Variants in BICD1 observed in about 807,000 individuals in gnomAD.
BICD1 encodes the protein BICD cargo adaptor 1.
BICD1 carries 35 observed loss-of-function variants against 92.5 expected under a neutral mutation model. That is an observed-to-expected ratio of 0.38 (90% CI 0.29 to 0.50). The LOEUF (loss-of-function observed/expected upper bound fraction) is 0.50. Ranked by LOEUF, BICD1 falls within the 20% of genes least tolerant of loss-of-function variation. The pLI, the probability that BICD1 is intolerant of heterozygous loss-of-function variation, is 0.93. For missense variants in BICD1, 950 were observed against 1,189.8 expected, an observed-to-expected ratio of 0.80 and a Z score of 2.97; for synonymous variants, 429 against 465.1, an observed-to-expected ratio of 0.92 and a Z score of 1.00.
intron 1 of BICD1, among the ~76,000 whole-genome samples, chr12:32,124,086 C>G (rs1942247578): frequency 6.6e-6 from 1 of 152,166 alleles, no homozygotes. Flanking sequence ...CCAGTAGACC[C>G]TAGCCAAAGG....
At position 32,120,612 on chromosome 12, in the gene BICD1, A is replaced by G. The variant is rs191028218; in HGVS notation, c.213+13068A>G. 1.8e-4 allele frequency among the ~76,000 whole-genome samples: 28 copies of G among 152,294 alleles called. No homozygotes were observed. In the East Asian group the frequency reaches 5.2e-3, roughly 28 times the overall value. ...TAAGCCTCACTGATTGCTACTTGCT[A>G]GATGGTTTTAGGAGATATCTTGAAG... On this transcript the variant is annotated intron_variant, in intron 1 of 9. Coordinates refer to ENST00000652176, the MANE Select transcript of BICD1 (RefSeq NM_001714.4).
chr12:32,315,130 A>G (rs1319534701), intron 4 of BICD1, among the ~76,000 whole-genome samples: 1 of 152,168 alleles, frequency 6.6e-6, no homozygotes, highest in Non-Finnish European at 1.5e-5. Context: ...TAATTTTTGA[A>G]TATGATATGA....
intron 2 of BICD1, among the ~76,000 whole-genome samples, chr12:32,239,576 G>A (rs927178251): frequency 6.6e-6 from 1 of 150,642 alleles, no homozygotes; most frequent in East Asian, 2.0e-4. Context: ...GCTCACGATC[G>A]TTAGCGTTTT....
At chr12:32,110,106 T>C (rs1941630559) in intron 1 of BICD1, among the ~76,000 whole-genome samples, 1 of 152,336 alleles carries the variant, frequency 6.6e-6, no homozygotes, top group South Asian at 2.1e-4. Context: ...AATTGGACAT[T>C]AGTAATTTGC....
In BICD1 at chr12:32,342,216, A is replaced by G. The variant is rs1208083700; in HGVS notation, c.2764+3237A>G. On this transcript the variant is annotated intron_variant, in intron 8 of 9. Transcript: ENST00000652176. ...TATGTGTGTGTGTGTATATATATAT[A>G]TATATATATATATATATGTATAGTT... Among the ~76,000 whole-genome samples the G allele has an allele frequency of 1.7e-3, 231 of 137,510 alleles. 2 individuals carry two copies. The East Asian group carries it at 0.022, about 13-fold the overall frequency. The allele number at this position is 137,510 out of a possible 152,430, so 90.2% of individuals were successfully genotyped here.
chr12:32,118,035 C>T (rs1398308303), intron 1 of BICD1, among the ~76,000 whole-genome samples: 1 of 124,948 alleles, frequency 8.0e-6, no homozygotes, highest in Admixed American at 9.2e-5. Flanking sequence ...CAGGCGTGAG[C>T]CATCGCACCG....
chr12:32,278,907 T>A (rs1010723985), intron 2 of BICD1, among the ~76,000 whole-genome samples: 1 of 151,874 alleles, frequency 6.6e-6, no homozygotes, highest in Non-Finnish European at 1.5e-5. Flanking sequence ...TGCAGCCCAT[T>A]GAGTGAACTT....
At chr12:32,207,044 G>A (rs1371744384) in intron 1 of BICD1, among the ~76,000 whole-genome samples, 1 of 152,166 alleles carries the variant, frequency 6.6e-6, no homozygotes, top group African/African-American at 2.4e-5. Context: ...GATACAAAAT[G>A]CAGGATAGTG....
intron 1 of BICD1, chr12:32,108,700 AAT>A (rs1490000723): frequency 4.3e-6 from 3 of 695,460 alleles, no homozygotes; most frequent in Non-Finnish European, 7.9e-6. Flanking sequence ...TTTAGTGTGT[AAT>A]ATGGTAAGCA....
At chr12:32,114,085 G>T (rs1247258873) in intron 1 of BICD1, among the ~76,000 whole-genome samples, 1 of 152,040 alleles carries the variant, frequency 6.6e-6, no homozygotes, top group Non-Finnish European at 1.5e-5. Flanking sequence ...GTTGGCCAGA[G>T]TGGTCTTGAT....
rs1940137879 is a variant in BICD1, at chr12:32,380,378, T to C, written c.*2751T>C. 6.6e-6 allele frequency: 1 copy of C among 152,090 alleles called. No individual in the cohort carries two copies. The highest frequency in any genetic ancestry group is 2.4e-5 in the African/African-American group (1 of 41,454). 9.4% of individuals were successfully genotyped at this position (152,090 alleles called of 1,614,324 possible). On this transcript the variant is annotated 3_prime_UTR_variant, in exon 10 of 10. Transcript: ENST00000652176. ...AAGAATGAACTCCAGTAAGACTAAT[T>C]GAAGACATACTTGGAGAGGAAAAAT...
chr12:32,286,438 A>G (rs565356817), intron 2 of BICD1, among the ~76,000 whole-genome samples: 2 of 152,058 alleles, frequency 1.3e-5, no homozygotes, highest in African/African-American at 2.4e-5. Context: ...AAAAATTAAG[A>G]TAATATGTTT....
rs558716217 is a variant in BICD1, at chr12:32,225,585, T to G, written c.426+9126T>G. On this transcript the variant is annotated intron_variant, in intron 2 of 9. Coordinates refer to ENST00000652176, the MANE Select transcript of BICD1 (RefSeq NM_001714.4). The stretch of plus-strand genomic sequence containing the variant: ...GTAAAAGTTCCTGTTGCCCCTATTC[T>G]TTCCAGCCCTTGGTATTTGACAGTT... 4.0e-5 allele frequency among the ~76,000 whole-genome samples: 6 copies of G among 151,158 alleles called. No individual in the cohort carries two copies. The East Asian group carries it at 1.2e-3, about 29-fold the overall frequency.
At chr12:32,136,342 G>A (rs992966062) in intron 1 of BICD1, among the ~76,000 whole-genome samples, 1 of 152,176 alleles carries the variant, frequency 6.6e-6, no homozygotes, top group Non-Finnish European at 1.5e-5. Flanking sequence ...CAGAACTAAG[G>A]CTGTGGTCTA....
chr12:32,280,685 C>T (rs1460057582), intron 2 of BICD1, among the ~76,000 whole-genome samples: 1 of 152,172 alleles, frequency 6.6e-6, no homozygotes, highest in Non-Finnish European at 1.5e-5. Context: ...ATCAGTATGC[C>T]AAAGTGGCAT....
intron 1 of BICD1, among the ~76,000 whole-genome samples, chr12:32,191,965 G>A (rs1269992496): frequency 6.6e-6 from 1 of 152,020 alleles, no homozygotes; most frequent in Admixed American, 6.6e-5. Flanking sequence ...AATTGTTCAA[G>A]TGAAAGGAAG....
chr12:32,261,239 C>T (rs11433874), intron 2 of BICD1, among the ~76,000 whole-genome samples: 1 of 150,860 alleles, frequency 6.6e-6, no homozygotes, highest in Admixed American at 6.6e-5. Context: ...CCAAAACTTA[C>T]AAAAATTTCT....
intron 4 of BICD1, among the ~76,000 whole-genome samples, chr12:32,309,279 A>C (rs1948314918): frequency 1.3e-5 from 2 of 152,164 alleles, no homozygotes; most frequent in East Asian, 1.9e-4. Flanking sequence ...CACCTGAAGC[A>C]TATATGTGTC....
chr12:32,162,131 G>A (rs1199350567), intron 1 of BICD1, among the ~76,000 whole-genome samples: 1 of 152,116 alleles, frequency 6.6e-6, no homozygotes, highest in Non-Finnish European at 1.5e-5. Context: ...GCCATCCCTC[G>A]GTCTCACATC....
Sources: allele counts gnomAD v4.1 joint callset (sites outside exome capture counted in the v4.1 genomes callset), GRCh38; gene constraint gnomAD v4.1.1; transcripts MANE v1.5; gene names NCBI Gene and HGNC (gene_info 2026-07-23, HGNC 2026-07-21).